Variants in FRK observed in about 807,000 individuals in gnomAD.
The protein encoded by FRK is fyn related Src family tyrosine kinase.
A neutral mutation model predicts 56.4 loss-of-function variants in FRK; 51 were observed. That is an observed-to-expected ratio of 0.90 (90% CI 0.72 to 1.14). The LOEUF is 1.14. Ranked by LOEUF, FRK falls within the 50% of genes most tolerant of loss-of-function variation. The pLI, the probability that FRK is intolerant of heterozygous loss-of-function variation, is 0.00. For synonymous variants in FRK, 245 were observed against 217.9 expected (o/e 1.12, Z -1.10); for missense variants, 570 against 601.4 (o/e 0.95, Z 0.55).
chr6:116,029,316 T>G (rs565283779), intron 1 of FRK, among the ~76,000 whole-genome samples: 2 of 152,278 alleles, frequency 1.3e-5, no homozygotes, highest in Admixed American at 1.3e-4. Context: ...TTAAACAACT[T>G]GAGAATAGGG....
chr6:115,953,259 G>A lies in FRK; in HGVS notation c.958+3193C>T, dbSNP rs548582852. Reference sequence around the variant, plus strand: ...GGCTGGAGTGCAGTGGCGGGATCTCGGCTCACTGCAAGCTCCGCCTCCTGG... The same window carrying A: ...GGCTGGAGTGCAGTGGCGGGATCTCAGCTCACTGCAAGCTCCGCCTCCTGG... On this transcript the variant is annotated intron_variant, in intron 5 of 7. Transcript: ENST00000606080. 3.9e-4 allele frequency among the ~76,000 whole-genome samples: 47 copies of A among 120,126 alleles called. 1 individual carries two copies. The South Asian group carries it at 0.013, about 32-fold the overall frequency. The allele number at this position is 120,126 out of a possible 152,430, so 78.8% of individuals were successfully genotyped here.
At position 115,936,416 on chromosome 6, in the gene FRK, C is replaced by T. The variant is rs1020229716; in HGVS notation, c.*5998G>A. On this transcript the variant is annotated 3_prime_UTR_variant, in exon 8 of 8. Coordinates refer to ENST00000606080, the MANE Select transcript of FRK (RefSeq NM_002031.3). Reference sequence around the variant, plus strand: ...AATTCAAAAAAACAGAATGCCTCTTCTCCTCCAAAGGATCACAACTCCTTG... The same window carrying T: ...AATTCAAAAAAACAGAATGCCTCTTTTCCTCCAAAGGATCACAACTCCTTG... 6.6e-6 allele frequency: 1 copy of T among 152,216 alleles called. No individual in the cohort carries two copies. The highest frequency in any genetic ancestry group is 2.4e-5 in the African/African-American group (1 of 41,454). The allele number at this position is 152,216 out of a possible 1,614,324, so 9.4% of individuals were successfully genotyped here.
intron 1 of FRK, among the ~76,000 whole-genome samples, chr6:116,033,462 T>C (rs1334818953): frequency 6.6e-6 from 1 of 152,154 alleles, no homozygotes; most frequent in Non-Finnish European, 1.5e-5. Context: ...TAAATTCTAA[T>C]TGAGCCAGTT....
intron 1 of FRK, among the ~76,000 whole-genome samples, chr6:116,040,315 T>C (rs1446035899): frequency 6.6e-6 from 1 of 152,224 alleles, no homozygotes; most frequent in East Asian, 1.9e-4. Context: ...GCTACCTTTA[T>C]TTTTCATGGC....
At chr6:116,096,174 T>C in the FRK span, among the ~76,000 whole-genome samples, 2 of 152,324 alleles carry the variant, frequency 1.3e-5, no homozygotes, top group South Asian at 2.1e-4. Flanking sequence ...CACTGGCCCT[T>C]TGACTGGCCT....
intron 5 of FRK, among the ~76,000 whole-genome samples, chr6:115,954,611 T>C (rs1767849128): frequency 6.6e-6 from 1 of 152,176 alleles, no homozygotes; most frequent in Non-Finnish European, 1.5e-5. Context: ...AGCAGATTAC[T>C]GGGGAGAATA....
intron 5 of FRK, among the ~76,000 whole-genome samples, chr6:115,946,721 T>C (rs1005397875): frequency 6.6e-6 from 1 of 152,114 alleles, no homozygotes; most frequent in East Asian, 1.9e-4. Context: ...CAGAGGAAGA[T>C]AAACCTACAA....
the FRK span, among the ~76,000 whole-genome samples, chr6:116,097,877 C>T: frequency 6.6e-6 from 1 of 152,114 alleles, no homozygotes; most frequent in African/African-American, 2.4e-5. Context: ...CTTTACAGAC[C>T]TTTCAAATGG....
the FRK span, among the ~76,000 whole-genome samples, chr6:116,080,312 C>T: frequency 1.3e-5 from 2 of 152,156 alleles, no homozygotes; most frequent in Non-Finnish European, 1.5e-5. Flanking sequence ...CCTGCCACCA[C>T]ACCTGGCTAA....
chr6:116,036,164 TAAG>T (rs549168590), intron 1 of FRK, among the ~76,000 whole-genome samples: 23 of 152,132 alleles, frequency 1.5e-4, no homozygotes, highest in South Asian at 1.4e-3. Context: ...ATCAGCAACT[TAAG>T]AAGAAATGAC....
the FRK span, among the ~76,000 whole-genome samples, chr6:116,078,977 C>T: frequency 6.6e-6 from 1 of 152,048 alleles, no homozygotes; most frequent in African/African-American, 2.4e-5. Context: ...CTTTTCATTG[C>T]TGTGTATTGT....
At chr6:116,055,776 A>G (rs572252857) in intron 1 of FRK, among the ~76,000 whole-genome samples, 1 of 152,358 alleles carries the variant, frequency 6.6e-6, no homozygotes, top group African/African-American at 2.4e-5. Flanking sequence ...CTGATTCACA[A>G]GTAAGAAGAT....
Position 115,938,267 on chromosome 6 carries a change from T to C in FRK, c.*4147A>G, listed in dbSNP as rs1274880801. 6.6e-6 allele frequency: 1 copy of C among 152,166 alleles called. No homozygotes were observed. Among genetic ancestry groups the C allele is most frequent in the African/African-American group, 2.4e-5 (1 of 41,432 alleles). 9.4% of individuals were successfully genotyped at this position (152,166 alleles called of 1,614,324 possible). ...ATTAAGGTAGAAATAAAGTTGTTCATTGAAACCAATGAGAACAAAAACACA... is the reference window on the plus strand; with the variant it reads ...ATTAAGGTAGAAATAAAGTTGTTCACTGAAACCAATGAGAACAAAAACACA... On this transcript the variant is annotated 3_prime_UTR_variant, in exon 8 of 8. Transcript: ENST00000606080.
At chr6:116,091,099 G>A in the FRK span, among the ~76,000 whole-genome samples, 2 of 152,272 alleles carry the variant, frequency 1.3e-5, no homozygotes, top group Non-Finnish European at 2.9e-5. Flanking sequence ...AAAAGTGAGA[G>A]GTGAAGCCAG....
the FRK span, among the ~76,000 whole-genome samples, chr6:116,081,802 T>C: frequency 6.6e-6 from 1 of 152,160 alleles, no homozygotes; most frequent in Non-Finnish European, 1.5e-5. Flanking sequence ...AGTGTTTTAA[T>C]TGAATCCCTA....
At chr6:116,039,941 ACT>A (rs1776650092) in intron 1 of FRK, among the ~76,000 whole-genome samples, 1 of 145,918 alleles carries the variant, frequency 6.9e-6, no homozygotes, top group Non-Finnish European at 1.5e-5. Flanking sequence ...AACACCTGGC[ACT>A]AAAAAAAAAA....
chr6:116,021,980 A>G (rs1293521639), intron 1 of FRK, among the ~76,000 whole-genome samples: 2 of 152,004 alleles, frequency 1.3e-5, no homozygotes, highest in Non-Finnish European at 2.9e-5. Flanking sequence ...AATATCAGCA[A>G]TTAAAGAGGA....
At chr6:116,056,946 T>G (rs1387108490) in intron 1 of FRK, among the ~76,000 whole-genome samples, 2 of 152,248 alleles carry the variant, frequency 1.3e-5, no homozygotes, top group Non-Finnish European at 2.9e-5. Context: ...ATTGGGCTTT[T>G]TAAACAATAG....
rs972496976 is a variant in FRK at position 115,939,824 on chromosome 6, A to G, written c.*2590T>C. 5 of 152,212 alleles carry G rather than the reference A, an allele frequency of 3.3e-5. No homozygotes were observed. The highest frequency in any genetic ancestry group is 7.3e-5 in the Non-Finnish European group (5 of 68,028). 9.4% of individuals were successfully genotyped at this position (152,212 alleles called of 1,614,324 possible). On this transcript the variant is annotated 3_prime_UTR_variant, in exon 8 of 8. Transcript: ENST00000606080. ...ACTACAAACCACTGCTCAAGGAAAT[A>G]AGAGAGGACACAAATAAATGGAAAA... is the stretch of plus-strand genomic sequence containing the variant.
Sources: gnomAD v4.1 joint callset for allele counts (sites outside exome capture counted in the v4.1 genomes callset) on GRCh38, gnomAD v4.1.1 for gene constraint, MANE v1.5 for transcripts, NCBI Gene and HGNC (gene_info 2026-07-23, HGNC 2026-07-21) for gene names.